EPB41L4A: variants seen among roughly 807,000 people sequenced by gnomAD.
EPB41L4A encodes the protein erythrocyte membrane protein band 4.1 like 4A, also known as band 4.1-like protein 4A.
EPB41L4A carries 100 observed loss-of-function variants against 108.6 expected under a neutral mutation model. The ratio of observed to expected loss-of-function variants is 0.92; its 90% CI spans 0.78 to 1.09. The LOEUF (loss-of-function observed/expected upper bound fraction) is 1.09, where lower values mean the gene tolerates loss of function less well. Among genes scored for constraint, EPB41L4A ranks in the 50% least tolerant of loss-of-function variants. The pLI is 0.00. For synonymous variants in EPB41L4A, 319 were observed against 289.0 expected, an observed-to-expected ratio of 1.10 and a Z score of -1.05; for missense variants, 1,030 against 842.7, an observed-to-expected ratio of 1.22 and a Z score of -2.75.
At chr5:112,402,101 G>T (rs1314761625) in intron 1 of EPB41L4A, among the ~76,000 whole-genome samples, 2 of 152,212 alleles carry the variant, frequency 1.3e-5, no homozygotes, top group African/African-American at 4.8e-5. Flanking sequence ...TGTTGGAGGA[G>T]GGGCCTGGTG....
exon 14 of EPB41L4A, chr5:112,143,870 C>CA (rs778940623): frequency 1.1e-5 from 5 of 455,814 alleles, no homozygotes; most frequent in South Asian, 7.8e-5. Context: ...AGGGAGAAAG[C>CA]AGAGTCTGCA....
At chr5:112,306,278 A>G (rs1410201443) in intron 2 of EPB41L4A, among the ~76,000 whole-genome samples, 1 of 152,210 alleles carries the variant, frequency 6.6e-6, no homozygotes, top group African/African-American at 2.4e-5. Context: ...TGTACAAGAT[A>G]GAATTCAGTG....
At chr5:112,187,168 G>C (rs1457556869) in intron 17 of EPB41L4A, among the ~76,000 whole-genome samples, 3 of 152,076 alleles carry the variant, frequency 2.0e-5, no homozygotes, top group Admixed American at 2.0e-4. Context: ...AGGAAAAAGA[G>C]TCCGTTGTCA....
At chr5:112,365,156 G>A (rs372806358) in intron 1 of EPB41L4A, among the ~76,000 whole-genome samples, 7 of 152,132 alleles carry the variant, frequency 4.6e-5, no homozygotes, top group African/African-American at 1.7e-4. Flanking sequence ...TAATAGGCCT[G>A]AATTATAAAG....
intron 12 of EPB41L4A, among the ~76,000 whole-genome samples, chr5:112,213,348 T>G (rs374031509): frequency 0.14 from 14,092 of 98,510 alleles, 758 homozygotes; most frequent in Middle Eastern, 0.25. Context: ...ACAGTTTTTT[T>G]TTTTGTTTTT....
chr5:112,234,594 A>C lies in EPB41L4A; in HGVS notation c.1087+40T>G, dbSNP rs1749194801. 22 of 1,600,780 alleles carry C rather than the reference A, an allele frequency of 1.4e-5. No homozygotes were observed. In the East Asian group the frequency reaches 4.7e-4, roughly 34 times the overall value. On this transcript the variant is annotated intron_variant, in intron 12 of 22. Coordinates refer to ENST00000261486, the MANE Select transcript of EPB41L4A (RefSeq NM_022140.5). ...ATCTTACACTACCAGCCTAAAGGAA[A>C]ACAAGGTTACATAGATAACTCAGGG...
chr5:112,364,349 T>C (rs1019372845), intron 1 of EPB41L4A, among the ~76,000 whole-genome samples: 5 of 152,204 alleles, frequency 3.3e-5, no homozygotes, highest in African/African-American at 1.2e-4. Flanking sequence ...TGCAAATATT[T>C]GTTATGTGTA....
chr5:112,288,535 T>G (rs982280223), intron 2 of EPB41L4A, among the ~76,000 whole-genome samples: 1 of 152,126 alleles, frequency 6.6e-6, no homozygotes, highest in Non-Finnish European at 1.5e-5. Flanking sequence ...AGTGAACAAC[T>G]CCTAGGCAAT....
At chr5:112,289,959 T>G (rs1753543219) in intron 2 of EPB41L4A, among the ~76,000 whole-genome samples, 1 of 152,218 alleles carries the variant, frequency 6.6e-6, no homozygotes, top group Non-Finnish European at 1.5e-5. Flanking sequence ...TCAACAAACT[T>G]GCTATTCCTC....
At chr5:112,389,292 T>C (rs1760773703) in intron 1 of EPB41L4A, among the ~76,000 whole-genome samples, 1 of 152,254 alleles carries the variant, frequency 6.6e-6, no homozygotes, top group South Asian at 2.1e-4. Flanking sequence ...AAGCATTTAA[T>C]ATTGTTAAAT....
At chr5:112,311,514 C>A (rs1012105344) in intron 1 of EPB41L4A, among the ~76,000 whole-genome samples, 1 of 152,222 alleles carries the variant, frequency 6.6e-6, no homozygotes, top group Non-Finnish European at 1.5e-5. Context: ...CATCTATCTA[C>A]AGCCACTAAG....
At chr5:112,189,252 T>A (rs1330874496) in intron 17 of EPB41L4A, among the ~76,000 whole-genome samples, 2 of 152,224 alleles carry the variant, frequency 1.3e-5, no homozygotes, top group Non-Finnish European at 2.9e-5. Context: ...CTGGATGTTA[T>A]CAATTTAACA....
chr5:112,387,388 A>T (rs1432161526), intron 1 of EPB41L4A, among the ~76,000 whole-genome samples: 1 of 152,208 alleles, frequency 6.6e-6, no homozygotes, highest in Non-Finnish European at 1.5e-5. Context: ...GCACTTTGGG[A>T]GGCCGAGGCG....
intron 12 of EPB41L4A, among the ~76,000 whole-genome samples, chr5:112,152,237 C>G (rs1759498180): frequency 1.3e-5 from 2 of 149,310 alleles, no homozygotes; most frequent in Admixed American, 6.6e-5. Context: ...AATGGAAGAA[C>G]AAAATAAAAT....
intron 4 of EPB41L4A, among the ~76,000 whole-genome samples, chr5:112,273,849 C>T (rs189116442): frequency 6.6e-5 from 10 of 152,260 alleles, no homozygotes; most frequent in Middle Eastern, 6.8e-3. Context: ...TACCATCCCT[C>T]CCCTCAACAT....
intron 1 of EPB41L4A, among the ~76,000 whole-genome samples, chr5:112,347,828 C>A (rs1034311094): frequency 6.6e-6 from 1 of 152,168 alleles, no homozygotes; most frequent in East Asian, 1.9e-4. Flanking sequence ...TTCAGCATTA[C>A]CACTCTCCGG....
chr5:112,265,910 T>C (rs748371203), intron 5 of EPB41L4A, among the ~76,000 whole-genome samples: 36 of 152,250 alleles, frequency 2.4e-4, no homozygotes, highest in East Asian at 3.9e-4. Flanking sequence ...ACATAGAAGC[T>C]TGGGAGAGGG....
At chr5:112,346,860 T>C (rs942575909) in intron 1 of EPB41L4A, among the ~76,000 whole-genome samples, 14 of 152,344 alleles carry the variant, frequency 9.2e-5, no homozygotes, top group African/African-American at 3.4e-4. Flanking sequence ...TTTTGGGCAA[T>C]GGCTTTGAAA....
At chr5:112,222,789 G>A (rs1316308369) in intron 12 of EPB41L4A, among the ~76,000 whole-genome samples, 10 of 152,212 alleles carry the variant, frequency 6.6e-5, no homozygotes, top group African/African-American at 2.4e-4. Flanking sequence ...GGTTTCCTCA[G>A]AGGCCCCATT....
Sources: gnomAD v4.1 joint callset for allele counts (sites outside exome capture counted in the v4.1 genomes callset) on GRCh38, gnomAD v4.1.1 for gene constraint, MANE v1.5 for transcripts, NCBI Gene and HGNC (gene_info 2026-07-23, HGNC 2026-07-21) for gene names.